The following FOXP2 variants were observed in gnomAD, a reference collection of about 807,000 sequenced individuals.
FOXP2 encodes forkhead box P2.
Under a neutral mutation model 115.8 loss-of-function variants are expected in FOXP2, and 12 were observed. The observed-to-expected ratio is 0.10, with a 90% CI of 0.07 to 0.17. The LOEUF is 0.17. Among genes scored for constraint, FOXP2 ranks in the 10% least tolerant of loss-of-function variants. The pLI is 1.00. For missense variants in FOXP2, 629 were observed against 843.5 expected (o/e 0.75, Z 3.15); for synonymous variants, 328 against 297.7 (o/e 1.10, Z -1.05).
At chr7:114,282,003 TGTTTCACTCAATG>T (rs1233339002) in intron 1 of FOXP2, among the ~76,000 whole-genome samples, 3 of 152,160 alleles carry the variant, frequency 2.0e-5, no homozygotes. Flanking sequence ...AATGCTTACA[TGTTTCACTCAATG>T]TGGCTCAAAG....
At chr7:114,095,341 T>G (rs559237712) in intron 1 of FOXP2, among the ~76,000 whole-genome samples, 1 of 152,254 alleles carries the variant, frequency 6.6e-6, no homozygotes, top group African/African-American at 2.4e-5. Context: ...CCCATGAACA[T>G]ACACTGAAGA....
intron 3 of FOXP2, among the ~76,000 whole-genome samples, chr7:114,556,317 T>G (rs1800450679): frequency 6.6e-6 from 1 of 152,068 alleles, no homozygotes; most frequent in Non-Finnish European, 1.5e-5. Flanking sequence ...TTATCCTTAT[T>G]GGCAAGAAAA....
At chr7:114,098,639 A>G (rs1008713319) in intron 1 of FOXP2, among the ~76,000 whole-genome samples, 1 of 152,226 alleles carries the variant, frequency 6.6e-6, no homozygotes, top group African/African-American at 2.4e-5. Context: ...AACATAGGAG[A>G]AAGACTATTG....
chr7:114,473,059 A>C (rs1796116342), intron 2 of FOXP2, among the ~76,000 whole-genome samples: 1 of 152,186 alleles, frequency 6.6e-6, no homozygotes, highest in African/African-American at 2.4e-5. Context: ...GTAGATCAGG[A>C]TATCTAAGCT....
At chr7:114,421,073 G>A (rs1489979724) in intron 1 of FOXP2, among the ~76,000 whole-genome samples, 1 of 151,474 alleles carries the variant, frequency 6.6e-6, no homozygotes, top group Non-Finnish European at 1.5e-5. Flanking sequence ...TCTGAAGGGG[G>A]CTTCTGAACT....
intron 1 of FOXP2, among the ~76,000 whole-genome samples, chr7:114,182,999 T>C (rs1056715680): frequency 6.6e-6 from 1 of 152,140 alleles, no homozygotes; most frequent in Admixed American, 6.6e-5. Flanking sequence ...AAGGCTTTTG[T>C]ACAGTTCAAA....
chr7:114,636,266 C>A (rs1805211202), intron 6 of FOXP2, among the ~76,000 whole-genome samples: 1 of 151,982 alleles, frequency 6.6e-6, no homozygotes, highest in East Asian at 1.9e-4. Context: ...TAATATATAC[C>A]CTTTTCTGTG....
chr7:114,527,054 G>A (rs1798916174), intron 2 of FOXP2, among the ~76,000 whole-genome samples: 1 of 146,388 alleles, frequency 6.8e-6, no homozygotes, highest in Non-Finnish European at 1.5e-5. Context: ...CAAATGGAAT[G>A]ATACAGTATA....
chr7:114,612,784 CA>C (rs1358392884), intron 3 of FOXP2, among the ~76,000 whole-genome samples: 1 of 152,212 alleles, frequency 6.6e-6, no homozygotes, highest in Non-Finnish European at 1.5e-5. Flanking sequence ...ATATCTCATT[CA>C]TGGATATAAA....
At chr7:114,688,457 T>C (rs570254131) in intron 16 of FOXP2, among the ~76,000 whole-genome samples, 3 of 152,286 alleles carry the variant, frequency 2.0e-5, no homozygotes, top group South Asian at 4.1e-4. Flanking sequence ...ACTTCTTTCA[T>C]TGAAGAATGT....
intron 3 of FOXP2, among the ~76,000 whole-genome samples, chr7:114,611,236 T>C (rs1803611770): frequency 6.6e-6 from 1 of 152,196 alleles, no homozygotes; most frequent in African/African-American, 2.4e-5. Flanking sequence ...AAATACGGAT[T>C]TCTACTGAGC....
At chr7:114,188,170 C>T (rs1376913117) in intron 1 of FOXP2, among the ~76,000 whole-genome samples, 1 of 152,094 alleles carries the variant, frequency 6.6e-6, no homozygotes, top group Non-Finnish European at 1.5e-5. Flanking sequence ...TGGTGCTCTA[C>T]TAAAAGTGTA....
intron 2 of FOXP2, among the ~76,000 whole-genome samples, chr7:114,523,389 A>G (rs993822799): frequency 2.0e-5 from 3 of 152,080 alleles, no homozygotes; most frequent in African/African-American, 7.2e-5. Context: ...TCTCTTCTCA[A>G]ATGGTTTTTC....
At chr7:114,416,176 G>C (rs1013487074) in intron 1 of FOXP2, 61 of 152,034 alleles carry the variant, frequency 4.0e-4, no homozygotes, top group African/African-American at 1.4e-3. Flanking sequence ...CCATCATAGG[G>C]CTACAGTAAT....
intron 3 of FOXP2, among the ~76,000 whole-genome samples, chr7:114,563,204 A>G (rs533184426): frequency 1.3e-5 from 2 of 152,324 alleles, no homozygotes; most frequent in African/African-American, 4.8e-5. Flanking sequence ...ACAATTCAAG[A>G]TGAGATTTGG....
chr7:114,517,641 A>G (rs186834693), intron 2 of FOXP2, among the ~76,000 whole-genome samples: 13 of 152,216 alleles, frequency 8.5e-5, no homozygotes, highest in Non-Finnish European at 1.9e-4. Context: ...CTGTAAGTGC[A>G]TGGATTTACT....
intron 3 of FOXP2, among the ~76,000 whole-genome samples, chr7:114,538,631 A>G (rs1476386357): frequency 1.3e-5 from 2 of 151,806 alleles, no homozygotes; most frequent in Admixed American, 1.3e-4. Context: ...GTTACTTGAC[A>G]TCTTTAAAAT....
At chr7:114,380,829 G>T (rs1325930840) in intron 2 of FOXP2, among the ~76,000 whole-genome samples, 1 of 152,190 alleles carries the variant, frequency 6.6e-6, no homozygotes, top group African/African-American at 2.4e-5. Context: ...TAAACAATGA[G>T]GCCAACCCTT....
At chr7:114,372,049 T>A (rs1245663516) in intron 2 of FOXP2, among the ~76,000 whole-genome samples, 1 of 152,176 alleles carries the variant, frequency 6.6e-6, no homozygotes, top group African/African-American at 2.4e-5. Context: ...TGCTTTATTA[T>A]CTCCTTTCAT....
Sources: allele counts gnomAD v4.1 joint callset (sites outside exome capture counted in the v4.1 genomes callset), GRCh38; gene constraint gnomAD v4.1.1; transcripts MANE v1.5; gene names NCBI Gene and HGNC (gene_info 2026-07-23, HGNC 2026-07-21).